C8orf34: variants seen among roughly 807,000 people sequenced by gnomAD.
The protein encoded by C8orf34 is uncharacterized protein C8orf34.
Under a neutral mutation model 68.3 loss-of-function variants are expected in C8orf34, and 65 were observed. The ratio of observed to expected loss-of-function variants is 0.95; its 90% confidence interval spans 0.78 to 1.17. The LOEUF (loss-of-function observed/expected upper bound fraction) is 1.17. Among genes scored for constraint, C8orf34 ranks in the 50% most tolerant of loss-of-function variants. The probability of loss-of-function intolerance (pLI) is 0.00; values close to 1 mark genes in which losing one functional copy is unlikely to be tolerated. For missense variants in C8orf34, 664 were observed against 655.4 expected, an observed-to-expected ratio of 1.01 and a Z score of -0.14; for synonymous variants, 244 against 241.2, an observed-to-expected ratio of 1.01 and a Z score of -0.11.
At position 68,794,505 on chromosome 8, in the gene C8orf34, ATT is replaced by A. The variant is rs57673879; in HGVS notation, c.1549+6986_1549+6987del. Among the ~76,000 whole-genome samples the A allele has an allele frequency of 1.1e-3, 69 of 62,236 alleles. 3 individuals are homozygous for A. Among genetic ancestry groups the A allele is most frequent in the African/African-American group, 5.7e-3 (47 of 8,212 alleles). 40.8% of individuals were successfully genotyped at this position (62,236 alleles called of 152,430 possible). On this transcript the variant is annotated intron_variant, in intron 12 of 13. Transcript: ENST00000518698. ...TAAATATATATATATATATATATATATTTTTTTTTTTTTTTTTTAGACAGGCT... is the reference window on the plus strand; with the variant it reads ...TAAATATATATATATATATATATATATTTTTTTTTTTTTTTTAGACAGGCT...
chr8:68,807,108 A>T (rs1327352721), intron 12 of C8orf34, among the ~76,000 whole-genome samples: 2 of 152,196 alleles, frequency 1.3e-5, no homozygotes, highest in African/African-American at 2.4e-5. Context: ...CTAGATTATA[A>T]GAATAAAGAC....
rs1586364492 is a variant in C8orf34, at chr8:68,553,354, C to G, written c.1105+20205C>G. ...GAGCTGAGATGGAGCCACTGCACTC[C>G]AGCCTGGGCGACAGAGCGAGACTCC... On this transcript the variant is annotated intron_variant, in intron 7 of 13. Transcript: ENST00000518698. 7.5e-5 allele frequency among the ~76,000 whole-genome samples: 10 copies of G among 133,572 alleles called. 2 individuals are homozygous for G. The South Asian group carries it at 2.3e-3, about 31-fold the overall frequency. 87.6% of individuals were successfully genotyped at this position (133,572 alleles called of 152,430 possible). A position where few individuals can be genotyped will look rare whatever the true frequency, so the allele number is the denominator to read the frequency against.
At chr8:68,647,996 C>T (rs1052649156) in intron 8 of C8orf34, among the ~76,000 whole-genome samples, 3 of 152,080 alleles carry the variant, frequency 2.0e-5, no homozygotes, top group Admixed American at 6.6e-5. Flanking sequence ...TTATTTTCGC[C>T]CTTAGATCAT....
At chr8:68,783,523 C>CAAA (rs775189886) in intron 11 of C8orf34, among the ~76,000 whole-genome samples, 18 of 53,696 alleles carry the variant, frequency 3.4e-4, no homozygotes, top group African/African-American at 1.1e-3. Context: ...GACTTCATCT[C>CAAA]AAAAAAAAAA....
rs189457965 is a variant in C8orf34 at position 68,698,491 on chromosome 8, G to A, written c.1242-10503G>A. Among the ~76,000 whole-genome samples, 352 of 152,172 alleles carry A rather than the reference G, an allele frequency of 2.3e-3. 1 individual carries two copies. Among genetic ancestry groups the A allele is most frequent in the African/African-American group, 8.1e-3 (336 of 41,556 alleles). On this transcript the variant is annotated intron_variant, in intron 8 of 13. Transcript: ENST00000518698. The stretch of plus-strand genomic sequence containing the variant: ...GAGAGACTGGCTATATACAAAAGAA[G>A]TCAGCTATCTAACAGATGCTTCCAA...
chr8:68,714,640 G>A (rs1412674652), intron 9 of C8orf34, among the ~76,000 whole-genome samples: 1 of 152,074 alleles, frequency 6.6e-6, no homozygotes, highest in African/African-American at 2.4e-5. Flanking sequence ...CAAACAAATG[G>A]AAACACTTTC....
chr8:68,452,272 A>G (rs1811376297), intron 3 of C8orf34, among the ~76,000 whole-genome samples: 1 of 150,864 alleles, frequency 6.6e-6, no homozygotes, highest in South Asian at 2.1e-4. Context: ...ATTACTGTGT[A>G]CTTGATTTGC....
At chr8:68,641,199 G>T (rs1319062629) in intron 8 of C8orf34, among the ~76,000 whole-genome samples, 2 of 152,168 alleles carry the variant, frequency 1.3e-5, no homozygotes, top group African/African-American at 4.8e-5. Context: ...CAATGTACTG[G>T]CTGGCCAATT....
intron 8 of C8orf34, among the ~76,000 whole-genome samples, chr8:68,659,252 A>G (rs1458867919): frequency 6.6e-6 from 1 of 152,034 alleles, no homozygotes; most frequent in East Asian, 1.9e-4. Flanking sequence ...GATATACAGT[A>G]TTTTTTTCTC....
At chr8:68,488,115 A>C in intron 5 of C8orf34, 64 bp downstream of exon 5, 103 of 1,129,586 alleles carry the variant, frequency 9.1e-5, no homozygotes, top group Non-Finnish European at 1.2e-4. Context: ...CCACTGTCTC[A>C]ACATAAATAA....
intron 7 of C8orf34, among the ~76,000 whole-genome samples, chr8:68,635,914 A>G (rs909353474): frequency 6.6e-6 from 1 of 152,218 alleles, no homozygotes; most frequent in African/African-American, 2.4e-5. Context: ...TGAAGACTAC[A>G]CAAATGAAAA....
chr8:68,686,961 C>T lies in C8orf34; in HGVS notation c.1242-22033C>T, dbSNP rs113872975. Among the ~76,000 whole-genome samples the T allele has an allele frequency of 1.4e-3, 208 of 151,972 alleles. 2 individuals are homozygous for T. The highest frequency in any genetic ancestry group is 4.8e-3 in the African/African-American group (200 of 41,526). On this transcript the variant is annotated intron_variant, in intron 8 of 13. Coordinates refer to ENST00000518698, the MANE Select transcript of C8orf34 (RefSeq NM_052958.4). Reference sequence around the variant, plus strand: ...AAAATCAATGTACACAAGTCAATAGCACTCGACAACAACCAAGCTAAGAAT... The same window carrying T: ...AAAATCAATGTACACAAGTCAATAGTACTCGACAACAACCAAGCTAAGAAT...
At chr8:68,564,022 T>G (rs183927819) in intron 7 of C8orf34, among the ~76,000 whole-genome samples, 1 of 152,292 alleles carries the variant, frequency 6.6e-6, no homozygotes, top group East Asian at 1.9e-4. Context: ...TTATTTAAAT[T>G]TCAAAATAAA....
intron 8 of C8orf34, among the ~76,000 whole-genome samples, chr8:68,643,303 T>G (rs1331930017): frequency 6.6e-6 from 1 of 152,178 alleles, no homozygotes; most frequent in Non-Finnish European, 1.5e-5. Flanking sequence ...GCATTTAAAA[T>G]TGTGAGAATT....
chr8:68,593,334 C>T (rs976563893), intron 7 of C8orf34, among the ~76,000 whole-genome samples: 2 of 151,916 alleles, frequency 1.3e-5, no homozygotes, highest in Non-Finnish European at 2.9e-5. Context: ...AAAGATTGTA[C>T]ATTTGACACT....
chr8:68,523,730 C>T (rs6995994), intron 6 of C8orf34, among the ~76,000 whole-genome samples: 4,356 of 152,070 alleles, frequency 0.029, 221 homozygotes, highest in African/African-American at 0.099. Context: ...CAACTCACAC[C>T]GCATTAGATT....
intron 3 of C8orf34, among the ~76,000 whole-genome samples, chr8:68,465,690 C>T (rs1243210692): frequency 1.3e-5 from 2 of 151,714 alleles, no homozygotes; most frequent in Non-Finnish European, 2.9e-5. Context: ...TCTCAGTAAA[C>T]TATCGCAAGG....
intron 4 of C8orf34, among the ~76,000 whole-genome samples, chr8:68,470,756 G>A (rs1325112545): frequency 6.6e-6 from 1 of 152,102 alleles, no homozygotes; most frequent in Non-Finnish European, 1.5e-5. Flanking sequence ...CTCACATGGT[G>A]GAAGGGGCAA....
intron 8 of C8orf34, among the ~76,000 whole-genome samples, chr8:68,681,067 T>C (rs1305974385): frequency 1.3e-5 from 2 of 152,228 alleles, no homozygotes; most frequent in East Asian, 3.9e-4. Context: ...AATATGGCTG[T>C]TTTTGCTTGA....
Sources: allele counts gnomAD v4.1 joint callset (sites outside exome capture counted in the v4.1 genomes callset), GRCh38; gene constraint gnomAD v4.1.1; transcripts MANE v1.5; gene names NCBI Gene and HGNC (gene_info 2026-07-23, HGNC 2026-07-21).